The following SMU1 variants were observed in gnomAD, a reference collection of about 807,000 sequenced individuals.
SMU1 encodes the protein WD40 repeat-containing protein SMU1.
A neutral mutation model predicts 62.0 loss-of-function variants in SMU1; 2 were observed. The ratio of observed to expected loss-of-function variants is 0.03; its 90% CI spans 0.01 to 0.10. The LOEUF (loss-of-function observed/expected upper bound fraction) is 0.10. Ranked by LOEUF, SMU1 falls within the 10% of genes least tolerant of loss-of-function variation. SMU1 has a pLI of 1.00. For missense variants in SMU1, 227 were observed against 622.1 expected (o/e 0.36, Z 6.76); for synonymous variants, 188 against 212.4 (o/e 0.89, Z 1.00).
chr9:33,060,895 A>T (rs1839354606), intron 5 of SMU1, among the ~76,000 whole-genome samples: 1 of 152,198 alleles, frequency 6.6e-6, no homozygotes, highest in Non-Finnish European at 1.5e-5. Flanking sequence ...CTCAGACTGT[A>T]ATGTTTTGCT....
At chr9:33,054,934 G>A (rs1564020871) in intron 9 of SMU1, among the ~76,000 whole-genome samples, 1 of 152,072 alleles carries the variant, frequency 6.6e-6, no homozygotes, top group Non-Finnish European at 1.5e-5. Context: ...CAGAACTAAG[G>A]GGGAAAGACC....
At chr9:33,053,497 C>T (rs1839271761) in intron 9 of SMU1, among the ~76,000 whole-genome samples, 2 of 152,184 alleles carry the variant, frequency 1.3e-5, no homozygotes, top group Non-Finnish European at 1.5e-5. Context: ...GTTCCAGGAT[C>T]CCCTTTAGAT....
At chr9:33,057,793 G>A (rs900140999) in intron 6 of SMU1, 79 bp from the exon 7 acceptor site, 11 of 1,582,522 alleles carry the variant, frequency 7.0e-6, no homozygotes, top group African/African-American at 1.3e-5. Context: ...CAAAAACCAG[G>A]GGCAATGGAT....
chr9:33,067,521 G>A (rs1417455671), intron 4 of SMU1, among the ~76,000 whole-genome samples: 7 of 135,024 alleles, frequency 5.2e-5, no homozygotes, highest in African/African-American at 1.9e-4. Context: ...TTTTTGAGAT[G>A]AAGTCTCGCT....
At chr9:33,048,311 C>A (rs748531982) in intron 10 of SMU1, 53 bp from the exon 11 acceptor site, 1 of 1,596,426 alleles carries the variant, frequency 6.3e-7, no homozygotes, top group South Asian at 1.1e-5. Flanking sequence ...AGCAGCTCAA[C>A]CATGTGCAGC....
At position 33,045,286 on chromosome 9, in the gene SMU1, C is replaced by T. The variant is rs1384524217; in HGVS notation, c.*2007G>A. 1.3e-5 allele frequency: 2 copies of T among 152,200 alleles called. No homozygotes were observed. Among genetic ancestry groups the T allele is most frequent in the Non-Finnish European group, 2.9e-5 (2 of 68,034 alleles). The allele number at this position is 152,200 out of a possible 1,614,324, so 9.4% of individuals were successfully genotyped here. ...ACTTCTCTTAAGTGAACGTGTCTTT[C>T]CACTGGGATGACTGTCTACATGCTC... On this transcript the variant is annotated 3_prime_UTR_variant, in exon 12 of 12. Coordinates refer to ENST00000397149, the MANE Select transcript of SMU1 (RefSeq NM_018225.3).
chr9:33,046,975 C>T lies in SMU1; in HGVS notation c.*318G>A, dbSNP rs1839192878. On this transcript the variant is annotated 3_prime_UTR_variant, in exon 12 of 12. Coordinates refer to ENST00000397149, the MANE Select transcript of SMU1 (RefSeq NM_018225.3). ...TTTACAAGTTTTACTATGGGAGGGACATTTTCCTCAGCATTTCAAATAATC... is the reference window on the plus strand; with the variant it reads ...TTTACAAGTTTTACTATGGGAGGGATATTTTCCTCAGCATTTCAAATAATC... 1 of 205,000 alleles carries T rather than the reference C, an allele frequency of 4.9e-6. No individual in the cohort carries two copies. The highest frequency in any genetic ancestry group is 9.7e-6 in the Non-Finnish European group (1 of 103,236). The allele number at this position is 205,000 out of a possible 1,614,324, so 12.7% of individuals were successfully genotyped here.
intron 6 of SMU1, among the ~76,000 whole-genome samples, chr9:33,059,605 T>C (rs1839340827): frequency 6.7e-6 from 1 of 148,734 alleles, no homozygotes; most frequent in Non-Finnish European, 1.5e-5. Flanking sequence ...TGTTTTGTTT[T>C]GTTTTGTTTT....
At chr9:33,068,177 G>C (rs1326779532) in intron 4 of SMU1, among the ~76,000 whole-genome samples, 1 of 152,166 alleles carries the variant, frequency 6.6e-6, no homozygotes, top group Non-Finnish European at 1.5e-5. Context: ...AGAAAGCCTG[G>C]ATTCTAACTA....
chr9:33,075,328 GA>G (rs1839534019), intron 1 of SMU1, among the ~76,000 whole-genome samples: 1 of 151,990 alleles, frequency 6.6e-6, no homozygotes, highest in South Asian at 2.1e-4. Flanking sequence ...AGTGAGCGGA[GA>G]TCGCGCCACT....
chr9:33,071,960 G>T (rs556877808), intron 2 of SMU1, 68 bp from the exon 3 acceptor site: 2 of 1,423,596 alleles, frequency 1.4e-6, no homozygotes, highest in African/African-American at 3.0e-5. Context: ...AATATTTTTC[G>T]GTAAAATATC....
rs190978045 is a variant in SMU1, at chr9:33,060,457, T to C, written c.750+8A>G. The C allele has an allele frequency of 4.4e-5, 70 of 1,594,058 alleles. No homozygotes were observed. In the African/African-American group the frequency reaches 7.9e-4, roughly 18 times the overall value. ...ACTAGGAAGGTTAACACATTTAAAA[T>C]ACTTTACCTTTCTGATTTTTCCAGT... On this transcript the variant is annotated splice_region_variant and intron_variant, in intron 6 of 11. Coordinates refer to ENST00000397149, the MANE Select transcript of SMU1 (RefSeq NM_018225.3).
chr9:33,059,412 G>A (rs1839337886), intron 6 of SMU1, among the ~76,000 whole-genome samples: 1 of 150,838 alleles, frequency 6.6e-6, no homozygotes, highest in Non-Finnish European at 1.5e-5. Context: ...TTTGAACTTT[G>A]TATCAGTTGT....
intron 1 of SMU1, 64 bp downstream of exon 1, chr9:33,076,519 C>CCG: frequency 1.2e-6 from 2 of 1,600,862 alleles, no homozygotes; most frequent in South Asian, 1.1e-5. Flanking sequence ...CGAGTACCCT[C>CCG]CGCCCCACAC....
chr9:33,057,566 T>A lies in SMU1; in HGVS notation c.867+32A>T, dbSNP rs201800699. 7.5e-4 allele frequency: 1,204 copies of A among 1,611,538 alleles called. 24 individuals are homozygous for A. The South Asian group carries it at 0.012, about 16-fold the overall frequency. On this transcript the variant is annotated intron_variant, in intron 7 of 11. Transcript: ENST00000397149. ...CCCATAGCAGAACATTCAAAATGTC[T>A]ACATATGAGAGGCTGTGGCACTAAT... is the stretch of plus-strand genomic sequence containing the variant.
chr9:33,061,972 T>C (rs1839366725), intron 5 of SMU1, 77 bp downstream of exon 5: 1 of 1,500,578 alleles, frequency 6.7e-7, no homozygotes, highest in African/African-American at 1.4e-5. Flanking sequence ...TCCAAGCCCC[T>C]GGCACAGGGC....
At chr9:33,067,950 T>A (rs1839441312) in intron 4 of SMU1, among the ~76,000 whole-genome samples, 1 of 152,198 alleles carries the variant, frequency 6.6e-6, no homozygotes, top group Admixed American at 6.5e-5. Context: ...TATCTATTAC[T>A]CTAAGTAGCT....
In SMU1 at chr9:33,055,802, G is replaced by T. The variant is rs565671092; in HGVS notation, c.1122+311C>A. Among the ~76,000 whole-genome samples, 33 of 152,276 alleles carry T rather than the reference G, an allele frequency of 2.2e-4. No homozygotes were observed. In the South Asian group the frequency reaches 6.6e-3, roughly 31 times the overall value. ...TGTTAGCAGGTGGACCATACCTATG[G>T]CAAAACAGATTTAACCACCATGTGT... On this transcript the variant is annotated intron_variant, in intron 9 of 11. Transcript: ENST00000397149.
At chr9:33,057,093 G>A (rs937896158) in intron 7 of SMU1, 129 bp from the exon 8 acceptor site, 6 of 871,604 alleles carry the variant, frequency 6.9e-6, no homozygotes, top group Non-Finnish European at 1.0e-5. Context: ...CACGCTAATA[G>A]CTGAATATGA....
Sources: gnomAD v4.1 joint callset for allele counts (sites outside exome capture counted in the v4.1 genomes callset) on GRCh38, gnomAD v4.1.1 for gene constraint, MANE v1.5 for transcripts, NCBI Gene and HGNC (gene_info 2026-07-23, HGNC 2026-07-21) for gene names.